The following HUWE1 variants were observed in gnomAD, a reference collection of about 807,000 sequenced individuals.
The protein encoded by HUWE1 is HECT, UBA and WWE domain containing E3 ubiquitin protein ligase 1.
HUWE1 carries 18 observed loss-of-function variants against 299.4 expected under a neutral mutation model. The observed-to-expected ratio is 0.06, with a 90% CI of 0.04 to 0.09. HUWE1 has a LOEUF of 0.09. Ranked by LOEUF, HUWE1 falls within the 10% of genes least tolerant of loss-of-function variation. HUWE1 has a pLI of 1.00. For synonymous variants in HUWE1, 1,317 were observed against 1,286.1 expected (o/e 1.02, Z -0.51); for missense variants, 1,832 against 3,462.3 (o/e 0.53, Z 11.82).
intron 6 of HUWE1, among the ~76,000 whole-genome samples, chrX:53,646,217 G>A: frequency 9.0e-6 from 1 of 110,766 alleles, no homozygotes; most frequent in Non-Finnish European, 1.9e-5. Context: ...GAGTGCAAAG[G>A]CATGATCATA....
intron 7 of HUWE1, among the ~76,000 whole-genome samples, chrX:53,636,489 C>G (rs951604067): frequency 8.9e-6 from 1 of 112,393 alleles, no homozygotes; most frequent in African/African-American, 3.2e-5. Flanking sequence ...AGTGGGAGCC[C>G]GAGGCGGGCA....
rs782110455 is a variant in HUWE1 at position 53,551,193 on chromosome X, T to A, written c.9097-4A>T. The A allele has an allele frequency of 3.3e-6, 4 of 1,211,657 alleles. No individual in the cohort carries two copies. The highest frequency in any genetic ancestry group is 3.5e-5 in the South Asian group (2 of 56,973). Reference sequence around the variant, plus strand: ...CAGCTCTCTGCTGTGCCAGTACCTATGGAGCAGAAAAAGTCAATGAGGGCA... The same window carrying A: ...CAGCTCTCTGCTGTGCCAGTACCTAAGGAGCAGAAAAAGTCAATGAGGGCA... On this transcript the variant is annotated splice_polypyrimidine_tract_variant and splice_region_variant and intron_variant, in intron 64 of 83. Transcript: ENST00000262854.
intron 3 of HUWE1, among the ~76,000 whole-genome samples, chrX:53,671,230 G>C (rs1399540549): frequency 9.0e-6 from 1 of 110,690 alleles, no homozygotes; most frequent in Non-Finnish European, 1.9e-5. Flanking sequence ...CACCACTAAG[G>C]AACTTACTCA....
At chrX:53,664,880 C>G (rs896310751) in intron 3 of HUWE1, among the ~76,000 whole-genome samples, 45 of 111,215 alleles carry the variant, frequency 4.0e-4, no homozygotes, top group African/African-American at 1.4e-3. Context: ...AATTGTCAGG[C>G]CTTTCCATCC....
chrX:53,535,085 C>T (rs960751653), intron 81 of HUWE1, among the ~76,000 whole-genome samples: 3 of 110,667 alleles, frequency 2.7e-5, no homozygotes, highest in Non-Finnish European at 5.7e-5. Context: ...TACAGGCGCA[C>T]GCTGCCACAC....
At chrX:53,550,308 T>C (rs1243796471) in intron 66 of HUWE1, among the ~76,000 whole-genome samples, 4 of 112,002 alleles carry the variant, frequency 3.6e-5, no homozygotes, top group Non-Finnish European at 5.6e-5. Flanking sequence ...TGTTTTAGCC[T>C]GGCTAACTCA....
rs782529727 is a variant in HUWE1, at chrX:53,652,924, T to C, written c.45+1139A>G. Among the ~76,000 whole-genome samples, 6 of 112,585 alleles carry C rather than the reference T, an allele frequency of 5.3e-5. No homozygotes were observed. In the South Asian group the frequency reaches 2.2e-3, roughly 41 times the overall value. On this transcript the variant is annotated intron_variant, in intron 4 of 83. Coordinates refer to ENST00000262854, the MANE Select transcript of HUWE1 (RefSeq NM_031407.7). ...AGGGCAGGATAATTGTGTGTGCACATGTAATAATTTTTTAAAAGACTGGAA... is the reference window on the plus strand; with the variant it reads ...AGGGCAGGATAATTGTGTGTGCACACGTAATAATTTTTTAAAAGACTGGAA...
At chrX:53,547,466 GAGAGAGACAC>G (rs1199356439) in intron 68 of HUWE1, among the ~76,000 whole-genome samples, 197 bp downstream of exon 68, 1 of 111,857 alleles carries the variant, frequency 8.9e-6, no homozygotes, top group East Asian at 2.8e-4. Context: ...GAGAGAGAAA[GAGAGAGACAC>G]AGAGAGACGG....
At chrX:53,642,992 A>G (rs1557032414) in intron 7 of HUWE1, among the ~76,000 whole-genome samples, 1 of 112,460 alleles carries the variant, frequency 8.9e-6, no homozygotes, top group Admixed American at 9.4e-5. Context: ...TTATTGGTCC[A>G]TGACAAAATG....
chrX:53,637,322 T>C (rs2067283032), intron 7 of HUWE1, among the ~76,000 whole-genome samples: 1 of 112,379 alleles, frequency 8.9e-6, no homozygotes, highest in Non-Finnish European at 1.9e-5. Flanking sequence ...CTTCATTACA[T>C]TTTCAATATT....
Position 53,534,965 on chromosome X carries a change from C to G in HUWE1, c.12650-268G>C, listed in dbSNP as rs189339431. 3.1e-4 allele frequency among the ~76,000 whole-genome samples: 33 copies of G among 106,880 alleles called. 1 individual carries two copies. The highest frequency in any genetic ancestry group is 2.3e-3 in the Admixed American group (23 of 9,934). The allele number at this position is 106,880 out of a possible 115,157, so 92.8% of individuals were successfully genotyped here. ...TTGTTTTTTTTTTTTGAGATGGAGTCTCACTCTGTTGCCCAGGCTGGAGAA... is the reference window on the plus strand; with the variant it reads ...TTGTTTTTTTTTTTTGAGATGGAGTGTCACTCTGTTGCCCAGGCTGGAGAA... On this transcript the variant is annotated intron_variant, in intron 81 of 83. Coordinates refer to ENST00000262854, the MANE Select transcript of HUWE1 (RefSeq NM_031407.7).
At chrX:53,545,993 A>T (rs184750666) in intron 70 of HUWE1, among the ~76,000 whole-genome samples, 29 of 111,446 alleles carry the variant, frequency 2.6e-4, no homozygotes, top group Non-Finnish European at 4.0e-4. Context: ...CTGTTCTTAG[A>T]ATTTTTATAC....
At chrX:53,677,391 C>T (rs59808382) in intron 3 of HUWE1, among the ~76,000 whole-genome samples, 4,387 of 110,058 alleles carry the variant, frequency 0.04, 170 homozygotes, top group African/African-American at 0.12. Flanking sequence ...GCAGTATTAT[C>T]ATCATTTTAC....
At chrX:53,543,672 CAACA>C (rs1202220564) in intron 73 of HUWE1, 165 bp downstream of exon 73, 6 of 758,990 alleles carry the variant, frequency 7.9e-6, no homozygotes, top group Non-Finnish European at 1.1e-5. Context: ...ACAAACCAAT[CAACA>C]AATAGGAAAA....
At chrX:53,571,677 A>G (rs781991182) in intron 47 of HUWE1, among the ~76,000 whole-genome samples, 1 of 112,314 alleles carries the variant, frequency 8.9e-6, no homozygotes, top group East Asian at 2.8e-4. Flanking sequence ...AAATAGAGTA[A>G]AAGAGCTGAA....
chrX:53,607,635 T>G lies in HUWE1; in HGVS notation c.2384A>C (p.Asn795Thr), dbSNP rs1556998008. ...TTDDHCQEFV[N>T]QKGLLPLVTI... ...AACCAAAGGCAACAGTCCTTTCTGA[T>G]TCACAAATTCCTGGCAGTGGTCATC... The change falls in exon 25 of 84, where the codon AAT becomes ACT. Residue 795 changes from asparagine (N) to threonine (T), a missense_variant. Transcript: ENST00000262854. 6 of 1,206,915 alleles carry G rather than the reference T, an allele frequency of 5.0e-6. No individual in the cohort carries two copies. The highest frequency in any genetic ancestry group is 6.7e-6 in the Non-Finnish European group (6 of 892,201).
rs2061759543 is a variant in HUWE1 at position 53,551,485 on chromosome X, A to C, written c.8882-5T>G. Reference sequence around the variant, plus strand: ...CACCTTCAGGGAGACTGATACCTGAAGGGAGATATAACATGTAAAGGGATT... The same window carrying C: ...CACCTTCAGGGAGACTGATACCTGACGGGAGATATAACATGTAAAGGGATT... On this transcript the variant is annotated splice_region_variant and splice_polypyrimidine_tract_variant and intron_variant, in intron 63 of 83. Transcript: ENST00000262854. 3 of 1,179,782 alleles carry C rather than the reference A, an allele frequency of 2.5e-6. No individual in the cohort carries two copies. Among genetic ancestry groups the C allele is most frequent in the Non-Finnish European group, 3.4e-6 (3 of 873,989 alleles).
chrX:53,538,795 T>C (rs1316200896), intron 76 of HUWE1, 40 bp downstream of exon 76: 4 of 1,162,014 alleles, frequency 3.4e-6, no homozygotes, highest in Non-Finnish European at 3.5e-6. Flanking sequence ...CTGTTTAAAA[T>C]GAAGCCTTCT....
chrX:53,572,455 G>T (rs781811625), intron 47 of HUWE1, among the ~76,000 whole-genome samples: 2 of 111,916 alleles, frequency 1.8e-5, no homozygotes, highest in Non-Finnish European at 3.8e-5. Context: ...TTTAAAAATG[G>T]CGGTTGCTTT....
Sources: gnomAD v4.1 joint callset for allele counts (sites outside exome capture counted in the v4.1 genomes callset) on GRCh38, gnomAD v4.1.1 for gene constraint, MANE v1.5 for transcripts, NCBI Gene and HGNC (gene_info 2026-07-23, HGNC 2026-07-21) for gene names.